STK24: variants seen among roughly 807,000 people sequenced by gnomAD.
The protein encoded by STK24 is serine/threonine kinase 24, also known as serine/threonine-protein kinase 24.
Under a neutral mutation model 55.6 loss-of-function variants are expected in STK24, and 21 were observed. That is an observed-to-expected ratio of 0.38 (90% confidence interval 0.27 to 0.54). The LOEUF is 0.54. STK24 is among the 20% of genes least tolerant of loss of function. STK24 has a pLI of 0.79. For missense variants in STK24, 383 were observed against 538.4 expected, an observed-to-expected ratio of 0.71 and a Z score of 2.86; for synonymous variants, 200 against 215.2, an observed-to-expected ratio of 0.93 and a Z score of 0.62.
intron 1 of STK24, among the ~76,000 whole-genome samples, chr13:98,562,893 G>A (rs1897463414): frequency 1.4e-5 from 2 of 145,300 alleles, no homozygotes; most frequent in African/African-American, 5.3e-5. Context: ...TCCAGTCTGG[G>A]CAACAGAGTG....
chr13:98,531,161 A>T (rs1896570104), intron 1 of STK24, among the ~76,000 whole-genome samples: 1 of 152,202 alleles, frequency 6.6e-6, no homozygotes, highest in Non-Finnish European at 1.5e-5. Flanking sequence ...AATTTGTCTA[A>T]AGCAAGCCTA....
rs117841407 is a variant in STK24 at position 98,565,493 on chromosome 13, G to A, written c.42+11252C>T. Among the ~76,000 whole-genome samples the A allele has an allele frequency of 6.1e-3, 923 of 152,168 alleles. 11 individuals are homozygous for A. The highest frequency in any genetic ancestry group is 8.5e-3 in the Non-Finnish European group (576 of 68,002). ...CTAAAAATACAAAAATTAGCCTGGT[G>A]TGGTCGCGGGTGCCTGTAATCCCAG... is the stretch of plus-strand genomic sequence containing the variant. On this transcript the variant is annotated intron_variant, in intron 1 of 10. Transcript: ENST00000539966.
chr13:98,503,024 G>GTTTTTTTTTTTTTTTTTTTTTTTTTT (rs398038978), intron 2 of STK24, among the ~76,000 whole-genome samples: 1 of 107,084 alleles, frequency 9.3e-6, no homozygotes, highest in African/African-American at 4.0e-5. Flanking sequence ...CTTTCCATGT[G>GTTTTTTTTTTTTTTTTTTTTTTTTTT]TTTTTTTTTT....
At chr13:98,462,246 A>G (rs1166026498) in intron 7 of STK24, among the ~76,000 whole-genome samples, 2 of 152,126 alleles carry the variant, frequency 1.3e-5, no homozygotes, top group East Asian at 3.9e-4. Context: ...CCAGGGAAGC[A>G]GATGTCCCTG....
At chr13:98,507,659 A>G (rs763101587) in intron 2 of STK24, among the ~76,000 whole-genome samples, 44 of 152,234 alleles carry the variant, frequency 2.9e-4, no homozygotes, top group Non-Finnish European at 4.4e-5. Context: ...AAGTATGCCC[A>G]GTGTCTGCAG....
Position 98,448,114 on chromosome 13 carries a change from G to T in STK24, c.*5059C>A. On this transcript the variant is annotated 3_prime_UTR_variant, in exon 11 of 11. Transcript: ENST00000539966. ...CTGGCTGTTCCCTTGCTCTTCTGCT[G>T]AAGTGGCAGATTACCAACCAGGCGG... 1 of 787,946 alleles carries T rather than the reference G, an allele frequency of 1.3e-6. No individual in the cohort carries two copies. The allele number at this position is 787,946 out of a possible 1,614,324, so 48.8% of individuals were successfully genotyped here. A position where few individuals can be genotyped will look rare whatever the true frequency, so the allele number is the denominator to read the frequency against.
At chr13:98,485,220 A>C (rs1894759432) in intron 2 of STK24, among the ~76,000 whole-genome samples, 1 of 152,220 alleles carries the variant, frequency 6.6e-6, no homozygotes, top group Non-Finnish European at 1.5e-5. Flanking sequence ...GCTGTGCAGG[A>C]GACCAGAGTT....
chr13:98,576,857 C>T lies in STK24; in HGVS notation c.-71G>A. On this transcript the variant is annotated 5_prime_UTR_variant, in exon 1 of 11. Coordinates refer to ENST00000539966, the MANE Select transcript of STK24 (RefSeq NM_001032296.4). ...ACGATCCGCGCGGGGCGGCGAGGCC[C>T]GCGGGCCGCGCGCAGCCCTCGGGCG... The T allele has an allele frequency of 3.0e-6, 3 of 989,068 alleles. No homozygotes were observed. Among genetic ancestry groups the T allele is most frequent in the Non-Finnish European group, 3.6e-6 (3 of 827,652 alleles). The allele number at this position is 989,068 out of a possible 1,614,324, so 61.3% of individuals were successfully genotyped here.
At chr13:98,489,063 G>A (rs1353889785) in intron 2 of STK24, among the ~76,000 whole-genome samples, 1 of 152,162 alleles carries the variant, frequency 6.6e-6, no homozygotes, top group East Asian at 1.9e-4. Context: ...TGACGCATGT[G>A]GCCTCAAAGC....
chr13:98,573,145 C>T (rs781617449), intron 1 of STK24, among the ~76,000 whole-genome samples: 13 of 152,116 alleles, frequency 8.5e-5, no homozygotes, highest in Non-Finnish European at 1.2e-4. Context: ...ATACTCAACC[C>T]GTAGTAAGGA....
chr13:98,571,329 G>A (rs758834383), intron 1 of STK24, among the ~76,000 whole-genome samples: 39 of 152,130 alleles, frequency 2.6e-4, no homozygotes, highest in Non-Finnish European at 2.9e-4. Context: ...GTAGCTCCAA[G>A]AAGAGCATCA....
chr13:98,509,786 G>A (rs775039209), intron 2 of STK24, among the ~76,000 whole-genome samples: 11 of 152,140 alleles, frequency 7.2e-5, no homozygotes, highest in Non-Finnish European at 1.2e-4. Context: ...AGAACTTACA[G>A]AGCCCCACGC....
At chr13:98,523,656 G>A (rs1300637162) in intron 1 of STK24, among the ~76,000 whole-genome samples, 1 of 152,236 alleles carries the variant, frequency 6.6e-6, no homozygotes, top group Non-Finnish European at 1.5e-5. Flanking sequence ...TGAGCTCCCA[G>A]GATGTGCCTC....
At chr13:98,475,523 G>A (rs1261149431) in intron 3 of STK24, among the ~76,000 whole-genome samples, 165 bp from the exon 4 acceptor site, 1 of 152,160 alleles carries the variant, frequency 6.6e-6, no homozygotes, top group African/African-American at 2.4e-5. Context: ...GTCCACTGAG[G>A]GACCCTTAAA....
At chr13:98,569,601 G>C (rs112129638) in intron 1 of STK24, among the ~76,000 whole-genome samples, 1 of 152,088 alleles carries the variant, frequency 6.6e-6, no homozygotes, top group Non-Finnish European at 1.5e-5. Context: ...CAACTACAGA[G>C]TGCTGGGATG....
At chr13:98,480,405 T>C (rs187523367) in intron 3 of STK24, among the ~76,000 whole-genome samples, 8 of 152,346 alleles carry the variant, frequency 5.3e-5, no homozygotes, top group Non-Finnish European at 7.4e-5. Flanking sequence ...TCTAATTACA[T>C]AAAATGAGGT....
intron 1 of STK24, among the ~76,000 whole-genome samples, chr13:98,535,947 T>C (rs1896719897): frequency 6.6e-6 from 1 of 152,236 alleles, no homozygotes; most frequent in African/African-American, 2.4e-5. Flanking sequence ...GAAGCAATGA[T>C]GAGTATCAGG....
At chr13:98,524,954 C>T (rs568630505) in intron 1 of STK24, among the ~76,000 whole-genome samples, 1 of 152,378 alleles carries the variant, frequency 6.6e-6, no homozygotes, top group South Asian at 2.1e-4. Flanking sequence ...TCTGTGTCAG[C>T]AGCTGTAGGC....
chr13:98,574,391 G>C (rs1248717848), intron 1 of STK24, among the ~76,000 whole-genome samples: 1 of 152,200 alleles, frequency 6.6e-6, no homozygotes, highest in Non-Finnish European at 1.5e-5. Flanking sequence ...AAGAGATACG[G>C]ACTTCTCTCC....
Sources: gnomAD v4.1 joint callset for allele counts (sites outside exome capture counted in the v4.1 genomes callset) on GRCh38, gnomAD v4.1.1 for gene constraint, MANE v1.5 for transcripts, NCBI Gene and HGNC (gene_info 2026-07-23, HGNC 2026-07-21) for gene names.